The following IL1RAPL2 variants were observed in gnomAD, a reference collection of about 807,000 sequenced individuals.
IL1RAPL2 encodes the protein interleukin 1 receptor accessory protein like 2, also known as X-linked interleukin-1 receptor accessory protein-like 2.
A neutral mutation model predicts 44.1 loss-of-function variants in IL1RAPL2; 3 were observed. That is an observed-to-expected ratio of 0.07 (90% CI 0.03 to 0.18). The LOEUF (loss-of-function observed/expected upper bound fraction) is 0.18. IL1RAPL2 is among the 10% of genes least tolerant of loss of function. IL1RAPL2 has a pLI of 1.00. For missense variants in IL1RAPL2, 391 were observed against 496.4 expected (o/e 0.79, Z 2.02); for synonymous variants, 181 against 178.8 (o/e 1.01, Z -0.10).
At chrX:105,346,864 A>C (rs190947390) in intron 5 of IL1RAPL2, among the ~76,000 whole-genome samples, 116 of 111,869 alleles carry the variant, frequency 1.0e-3, no homozygotes, top group African/African-American at 3.5e-3. Flanking sequence ...AAATGTAGCT[A>C]TTTTTTTCTC....
chrX:104,924,967 T>G (rs757674871), intron 2 of IL1RAPL2, among the ~76,000 whole-genome samples: 2 of 109,635 alleles, frequency 1.8e-5, no homozygotes, highest in East Asian at 5.7e-4. Flanking sequence ...TTAACCAAGA[T>G]TCAAACAAGC....
intron 5 of IL1RAPL2, among the ~76,000 whole-genome samples, chrX:105,440,673 C>G (rs1168867198): frequency 1.8e-5 from 2 of 112,219 alleles, no homozygotes; most frequent in South Asian, 3.7e-4. Context: ...ACTAAAGAAA[C>G]AGTTTTGTTC....
intron 6 of IL1RAPL2, among the ~76,000 whole-genome samples, chrX:105,517,921 G>A (rs915427073): frequency 9.0e-6 from 1 of 111,606 alleles, no homozygotes; most frequent in Non-Finnish European, 1.9e-5. Context: ...AGGACAGATA[G>A]ATAGCAAAGA....
intron 2 of IL1RAPL2, among the ~76,000 whole-genome samples, chrX:105,052,029 C>T (rs1016911125): frequency 8.9e-6 from 1 of 112,433 alleles, no homozygotes; most frequent in Non-Finnish European, 1.9e-5. Flanking sequence ...AAGGATTAGC[C>T]TTGTTATGAC....
chrX:105,209,104 G>A (rs907030966), intron 3 of IL1RAPL2, among the ~76,000 whole-genome samples: 3 of 111,684 alleles, frequency 2.7e-5, no homozygotes, highest in Non-Finnish European at 3.8e-5. Flanking sequence ...TATTGGCAAC[G>A]CCAGTATTTT....
chrX:104,952,601 C>T (rs778012172), intron 2 of IL1RAPL2, among the ~76,000 whole-genome samples: 1 of 110,700 alleles, frequency 9.0e-6, no homozygotes, highest in African/African-American at 3.3e-5. Context: ...TGGGGTACAC[C>T]CTAGGCCCTA....
intron 5 of IL1RAPL2, among the ~76,000 whole-genome samples, chrX:105,447,108 A>ATAT (rs2035963967): frequency 0.021 from 429 of 20,555 alleles, 29 homozygotes; most frequent in African/African-American, 0.065. Flanking sequence ...TATATATATA[A>ATAT]AAATATATAT....
chrX:105,371,400 G>T (rs2035339535), intron 5 of IL1RAPL2, among the ~76,000 whole-genome samples: 1 of 111,168 alleles, frequency 9.0e-6, no homozygotes, highest in Admixed American at 9.6e-5. Context: ...ATCTCGAGTT[G>T]ATTTTTATAT....
chrX:105,476,330 A>T (rs911845222), intron 5 of IL1RAPL2, among the ~76,000 whole-genome samples: 5 of 112,612 alleles, frequency 4.4e-5, no homozygotes, highest in Non-Finnish European at 9.4e-5. Flanking sequence ...CCAAATATAC[A>T]TGTGAGGAAC....
At chrX:105,118,886 T>C (rs191826406) in intron 2 of IL1RAPL2, among the ~76,000 whole-genome samples, 1 of 112,197 alleles carries the variant, frequency 8.9e-6, no homozygotes, top group African/African-American at 3.2e-5. Flanking sequence ...GGGCGGGTGC[T>C]TCTGGTTTTT....
intron 5 of IL1RAPL2, among the ~76,000 whole-genome samples, chrX:105,310,361 A>G (rs775474078): frequency 9.0e-6 from 1 of 110,769 alleles, no homozygotes; most frequent in Non-Finnish European, 1.9e-5. Flanking sequence ...CTTTTTTGAG[A>G]TAAGTCTTGC....
At chrX:105,341,862 C>T (rs558310374) in intron 5 of IL1RAPL2, among the ~76,000 whole-genome samples, 5 of 110,554 alleles carry the variant, frequency 4.5e-5, no homozygotes, top group East Asian at 2.9e-4. Flanking sequence ...ACCTGGGAGG[C>T]GGAGTTTGCT....
intron 5 of IL1RAPL2, among the ~76,000 whole-genome samples, chrX:105,431,900 G>T (rs1834224724): frequency 9.0e-6 from 1 of 111,031 alleles, no homozygotes; most frequent in African/African-American, 3.3e-5. Context: ...TGCAAAGGGG[G>T]CCTTGCAAAA....
Position 104,942,931 on chromosome X carries a change from T to C in IL1RAPL2, c.83-252544T>C, listed in dbSNP as rs769731019. Reference sequence around the variant, plus strand: ...GGTGTTGAATTTTATCGAAGGCCTTTTCTGCATCTATTGAGATAATCATGT... The same window carrying C: ...GGTGTTGAATTTTATCGAAGGCCTTCTCTGCATCTATTGAGATAATCATGT... On this transcript the variant is annotated intron_variant, in intron 2 of 10. Transcript: ENST00000372582. Among the ~76,000 whole-genome samples the C allele has an allele frequency of 3.1e-3, 343 of 111,844 alleles. 4 individuals are homozygous for C. The highest frequency in any genetic ancestry group is 0.018 in the Middle Eastern group (4 of 219).
intron 5 of IL1RAPL2, among the ~76,000 whole-genome samples, chrX:105,283,775 T>G (rs1408197722): frequency 9.0e-6 from 1 of 111,095 alleles, no homozygotes; most frequent in Non-Finnish European, 1.9e-5. Context: ...ATATAAAATT[T>G]GGAGCTGTCT....
intron 2 of IL1RAPL2, among the ~76,000 whole-genome samples, chrX:104,810,402 C>T (rs969977470): frequency 2.7e-5 from 3 of 110,452 alleles, no homozygotes; most frequent in Non-Finnish European, 3.8e-5. Flanking sequence ...TACCCTAAAA[C>T]TTAAAGTATA....
chrX:105,752,399 A>T (rs188606488), intron 9 of IL1RAPL2, among the ~76,000 whole-genome samples: 1 of 112,558 alleles, frequency 8.9e-6, no homozygotes, highest in East Asian at 2.8e-4. Context: ...GGACAGACGT[A>T]ACAATAGGAA....
chrX:105,364,204 A>G (rs1465608449), intron 5 of IL1RAPL2, among the ~76,000 whole-genome samples: 1 of 111,573 alleles, frequency 9.0e-6, no homozygotes, highest in Non-Finnish European at 1.9e-5. Flanking sequence ...TGTTCTTGGC[A>G]CCTATATCAA....
chrX:104,608,756 A>T (rs5917106), intron 1 of IL1RAPL2, among the ~76,000 whole-genome samples: 1 of 100,268 alleles, frequency 1.0e-5, no homozygotes, highest in African/African-American at 3.7e-5. Context: ...TGCACATGAG[A>T]TGGGTCTCCT....
Sources: gnomAD v4.1 joint callset for allele counts (sites outside exome capture counted in the v4.1 genomes callset) on GRCh38, gnomAD v4.1.1 for gene constraint, MANE v1.5 for transcripts, NCBI Gene and HGNC (gene_info 2026-07-23, HGNC 2026-07-21) for gene names.